Variants in ZNF516 observed in about 807,000 individuals in gnomAD.
ZNF516 encodes the protein zinc finger protein 516.
In ZNF516, 19 loss-of-function variants were observed where a neutral mutation model predicts 79.7. The observed-to-expected ratio is 0.24, with a 90% confidence interval of 0.17 to 0.35. The LOEUF is 0.35. Among genes scored for constraint, ZNF516 ranks in the 10% least tolerant of loss-of-function variants. ZNF516 has a pLI of 1.00. For missense variants in ZNF516, 1,678 were observed against 1,679.5 expected, an observed-to-expected ratio of 1.00 and a Z score of 0.02; for synonymous variants, 877 against 739.5, an observed-to-expected ratio of 1.19 and a Z score of -3.02.
At chr18:76,378,336 G>C (rs773791080) in intron 4 of ZNF516, 1 of 152,264 alleles carries the variant, frequency 6.6e-6, no homozygotes, top group South Asian at 2.1e-4. Flanking sequence ...ATGGTACATC[G>C]ATCCTCTGCA....
At chr18:76,437,489 T>C (rs1229620432) in intron 3 of ZNF516, among the ~76,000 whole-genome samples, 1 of 152,060 alleles carries the variant, frequency 6.6e-6, no homozygotes, top group Non-Finnish European at 1.5e-5. Flanking sequence ...TCAAATTGCA[T>C]ATAATACCAA....
At chr18:76,375,484 A>T (rs2074771843) in intron 4 of ZNF516, among the ~76,000 whole-genome samples, 1 of 151,912 alleles carries the variant, frequency 6.6e-6, no homozygotes, top group Admixed American at 6.6e-5. Context: ...TAGAGGATGG[A>T]CAGGGAAAGC....
intron 3 of ZNF516, among the ~76,000 whole-genome samples, chr18:76,401,991 G>C (rs2075235386): frequency 6.7e-6 from 1 of 148,994 alleles, no homozygotes; most frequent in Non-Finnish European, 1.5e-5. Context: ...GTGCATGTGT[G>C]TACGCGCGTG....
chr18:76,480,527 A>T (rs1568327492), intron 1 of ZNF516, among the ~76,000 whole-genome samples: 1 of 91,426 alleles, frequency 1.1e-5, no homozygotes, highest in African/African-American at 4.6e-5. Context: ...ACACACACAT[A>T]TATTTTTTTT....
intron 2 of ZNF516, 75 bp from the exon 3 acceptor site, chr18:76,443,286 A>C (rs1009572053): frequency 2.8e-5 from 16 of 578,408 alleles, no homozygotes; most frequent in African/African-American, 2.7e-4. Context: ...GAACCCCCAC[A>C]TGCTCCCCAA....
chr18:76,364,177 T>A (rs539364045), intron 6 of ZNF516, among the ~76,000 whole-genome samples: 1 of 152,348 alleles, frequency 6.6e-6, no homozygotes, highest in South Asian at 2.1e-4. Context: ...ACTAGGTGGT[T>A]AAATTGTGTT....
intron 3 of ZNF516, among the ~76,000 whole-genome samples, chr18:76,382,227 T>C (rs191548878): frequency 6.6e-6 from 1 of 152,244 alleles, no homozygotes; most frequent in Admixed American, 6.5e-5. Flanking sequence ...CACACAGTGG[T>C]ATGAGAAAGG....
At chr18:76,445,828 G>A (rs1197968434) in intron 2 of ZNF516, among the ~76,000 whole-genome samples, 2 of 152,258 alleles carry the variant, frequency 1.3e-5, no homozygotes, top group African/African-American at 4.8e-5. Context: ...AGTGCAGCAT[G>A]AAGCAAAAGG....
At chr18:76,480,524 C>CACATAT (rs1267997459) in intron 1 of ZNF516, among the ~76,000 whole-genome samples, 3 of 116,400 alleles carry the variant, frequency 2.6e-5, no homozygotes, top group African/African-American at 1.1e-4. Context: ...CACACACACA[C>CACATAT]ATATATTTTT....
intron 3 of ZNF516, among the ~76,000 whole-genome samples, chr18:76,384,473 C>T (rs1264370906): frequency 2.2e-5 from 3 of 135,040 alleles, no homozygotes; most frequent in South Asian, 2.7e-4. Flanking sequence ...CACCACGACC[C>T]GCACACCTTT....
At position 76,490,346 on chromosome 18, in the gene ZNF516, C is replaced by T. The variant is rs532439568; in HGVS notation, c.-272+4798G>A. The T allele has an allele frequency of 8.1e-5, 18 of 221,176 alleles. No individual in the cohort carries two copies. In the South Asian group the frequency reaches 2.9e-3, roughly 36 times the overall value. 13.7% of individuals were successfully genotyped at this position (221,176 alleles called of 1,614,324 possible). ...ATAGTGGTATGTGGCATATTTAATT[C>T]TGGCTGGTCTGTGTAAATATAAATA... On this transcript the variant is annotated intron_variant, in intron 1 of 6. Coordinates refer to ENST00000443185, the MANE Select transcript of ZNF516 (RefSeq NM_014643.4).
At chr18:76,477,862 G>A (rs776510215) in intron 1 of ZNF516, among the ~76,000 whole-genome samples, 4 of 152,038 alleles carry the variant, frequency 2.6e-5, no homozygotes, top group Non-Finnish European at 5.9e-5. Context: ...TCTTCTTAAA[G>A]GAGTTTGGTT....
At chr18:76,387,520 C>T (rs2075012049) in intron 3 of ZNF516, 1 of 152,104 alleles carries the variant, frequency 6.6e-6, no homozygotes, top group African/African-American at 2.4e-5. Context: ...TATTTTATCC[C>T]AGATTTGCCA....
chr18:76,373,036 G>C (rs1289238085), intron 4 of ZNF516: 1 of 152,484 alleles, frequency 6.6e-6, no homozygotes, highest in Non-Finnish European at 1.5e-5. Context: ...TATGCTTCTA[G>C]CTACTCAGGA....
intron 4 of ZNF516, among the ~76,000 whole-genome samples, chr18:76,374,184 A>G (rs2074750446): frequency 2.0e-5 from 3 of 152,372 alleles, no homozygotes; most frequent in Non-Finnish European, 4.4e-5. Flanking sequence ...TTAGGTCCCA[A>G]TAAGAAATAC....
At chr18:76,402,959 G>A (rs537293270) in intron 3 of ZNF516, among the ~76,000 whole-genome samples, 5 of 152,338 alleles carry the variant, frequency 3.3e-5, no homozygotes, top group Admixed American at 6.5e-5. Context: ...GAAGCTACAG[G>A]GCTGAGAGCC....
rs926850707 is a variant in ZNF516 at position 76,451,909 on chromosome 18, A to G, written c.-157-8698T>C. On this transcript the variant is annotated intron_variant, in intron 2 of 6. Transcript: ENST00000443185. The surrounding 1 kb of genome is among the most constrained non-coding windows in gnomAD (Gnocchi z 6.0). ...GTACACCAGTAACAATTACAGGCTT[A>G]TAGTCCCCAGACTGGGGTCCCGAAG... is the stretch of plus-strand genomic sequence containing the variant. 1.3e-5 allele frequency among the ~76,000 whole-genome samples: 2 copies of G among 152,220 alleles called. No homozygotes were observed. Among genetic ancestry groups the G allele is most frequent in the African/African-American group, 4.8e-5 (2 of 41,448 alleles).
At chr18:76,482,516 G>A (rs1914584411) in intron 1 of ZNF516, among the ~76,000 whole-genome samples, 1 of 152,214 alleles carries the variant, frequency 6.6e-6, no homozygotes. Context: ...ACTGCCAGGT[G>A]CTCCTGCCCA....
intron 1 of ZNF516, among the ~76,000 whole-genome samples, chr18:76,480,341 G>C (rs1914436830): frequency 6.6e-6 from 1 of 152,024 alleles, no homozygotes; most frequent in Admixed American, 6.5e-5. Flanking sequence ...GATAGACATA[G>C]CGTGCATGGT....
Sources: allele counts gnomAD v4.1 joint callset (sites outside exome capture counted in the v4.1 genomes callset), GRCh38; gene constraint gnomAD v4.1.1; non-coding constraint Gnocchi (gnomAD v3.1); transcripts MANE v1.5; gene names NCBI Gene and HGNC (gene_info 2026-07-23, HGNC 2026-07-21).